ANXA8: variants seen among roughly 807,000 people sequenced by gnomAD.
ANXA8 encodes annexin A8.
In ANXA8, 9 loss-of-function variants were observed where a neutral mutation model predicts 26.8. The observed-to-expected ratio is 0.34, with a 90% CI of 0.20 to 0.59. The LOEUF (loss-of-function observed/expected upper bound fraction) is 0.59, where lower values mean the gene tolerates loss of function less well. ANXA8 is among the 20% of genes least tolerant of loss of function. The probability of loss-of-function intolerance (pLI) is 0.84; values close to 1 mark genes in which losing one functional copy is unlikely to be tolerated. For synonymous variants in ANXA8, 39 were observed against 94.8 expected (o/e 0.41, Z 3.42); for missense variants, 83 against 238.5 (o/e 0.35, Z 4.29).
the ANXA8 span, among the ~76,000 whole-genome samples, chr10:47,743,283 C>CACATATATATATACATCT: frequency 1.2e-5 from 1 of 81,988 alleles, no homozygotes. Context: ...TATATACACA[C>CACATATATATATACATCT]ATATATATAT....
chr10:47,720,635 G>A, the ANXA8 span, among the ~76,000 whole-genome samples: 3 of 141,656 alleles, frequency 2.1e-5, no homozygotes, highest in African/African-American at 7.9e-5. Context: ...ATAGCACTCA[G>A]TGTTTTATGC....
chr10:47,948,769 A>C, the ANXA8 span, among the ~76,000 whole-genome samples: 1 of 151,156 alleles, frequency 6.6e-6, no homozygotes, highest in Admixed American at 6.6e-5. Flanking sequence ...TGCTCAATAG[A>C]TCAAAAGCAA....
the ANXA8 span, among the ~76,000 whole-genome samples, chr10:47,744,029 G>T: frequency 6.8e-6 from 1 of 147,882 alleles, no homozygotes; most frequent in African/African-American, 2.5e-5. Flanking sequence ...AGACGTGCGG[G>T]GGGTAGGGAG....
chr10:47,949,489 T>G, the ANXA8 span, among the ~76,000 whole-genome samples: 40 of 150,162 alleles, frequency 2.7e-4, 1 homozygote, highest in South Asian at 2.7e-3. Flanking sequence ...ATGGTAAGTA[T>G]GTGGGTAAAT....
the ANXA8 span, among the ~76,000 whole-genome samples, chr10:47,610,396 A>T: frequency 7.0e-6 from 1 of 143,800 alleles, no homozygotes; most frequent in East Asian, 1.9e-4. Flanking sequence ...GCTGGACTAT[A>T]TAAAATAAAC....
At chr10:47,533,218 C>CACACATAT in the ANXA8 span, among the ~76,000 whole-genome samples, 1 of 112,248 alleles carries the variant, frequency 8.9e-6, no homozygotes, top group Non-Finnish European at 2.0e-5. Context: ...CACACACACA[C>CACACATAT]ACACACCCCC....
upstream of ANXA8, among the ~76,000 whole-genome samples, chr10:47,486,529 A>C (rs1840051430): frequency 7.3e-6 from 1 of 137,178 alleles, no homozygotes; most frequent in African/African-American, 2.7e-5. Flanking sequence ...CTATCCAACC[A>C]GCAGCAGGGG....
chr10:47,605,913 T>C, the ANXA8 span, among the ~76,000 whole-genome samples: 1 of 126,808 alleles, frequency 7.9e-6, no homozygotes, highest in Non-Finnish European at 1.6e-5. Flanking sequence ...TGAACAAAAA[T>C]GACTTACTAG....
At chr10:47,481,248 G>A (rs1839776775) in intron 1 of ANXA8, among the ~76,000 whole-genome samples, 1 of 104,750 alleles carries the variant, frequency 9.5e-6, no homozygotes, top group African/African-American at 3.7e-5. Context: ...CCTGGGCCAG[G>A]TGCTTTAGAA....
chr10:47,681,344 G>A, the ANXA8 span, among the ~76,000 whole-genome samples: 10,012 of 150,276 alleles, frequency 0.067, 594 homozygotes, highest in South Asian at 0.21. Context: ...ATGTCAAGGC[G>A]TAAGTAGCAA....
chr10:47,953,171 G>A, the ANXA8 span, among the ~76,000 whole-genome samples: 5 of 149,236 alleles, frequency 3.4e-5, no homozygotes, highest in Admixed American at 1.3e-4. Flanking sequence ...GAAAGGGCAA[G>A]TTGCAGACCA....
the ANXA8 span, among the ~76,000 whole-genome samples, chr10:47,685,150 C>T: frequency 4.0e-5 from 6 of 150,162 alleles, no homozygotes; most frequent in South Asian, 1.3e-3. Context: ...AGTTCAAGAC[C>T]AGCCTGACTT....
the ANXA8 span, among the ~76,000 whole-genome samples, chr10:47,982,086 G>A: frequency 5.3e-5 from 8 of 151,180 alleles, no homozygotes; most frequent in Admixed American, 6.6e-5. Context: ...CCCAGAGTTT[G>A]AGATTAACCT....
chr10:47,666,486 G>A, the ANXA8 span, among the ~76,000 whole-genome samples: 1 of 151,774 alleles, frequency 6.6e-6, no homozygotes, highest in Non-Finnish European at 1.5e-5. Flanking sequence ...CCAGGGAGCA[G>A]AAGCACAGAA....
At chr10:47,895,274 G>A in the ANXA8 span, among the ~76,000 whole-genome samples, 45 of 152,316 alleles carry the variant, frequency 3.0e-4, no homozygotes, top group African/African-American at 1.0e-3. Flanking sequence ...GTGCGACCGG[G>A]GAGAACCAGG....
At chr10:47,659,799 G>A in the ANXA8 span, among the ~76,000 whole-genome samples, 6 of 148,874 alleles carry the variant, frequency 4.0e-5, no homozygotes, top group Non-Finnish European at 7.4e-5. Flanking sequence ...CTCTGTGGCT[G>A]AGGCTGGGGT....
upstream of ANXA8, chr10:47,487,124 A>T (rs1840062657): frequency 5.0e-6 from 7 of 1,394,774 alleles, no homozygotes; most frequent in Non-Finnish European, 6.7e-6. Context: ...TAAATACTTA[A>T]GTGTACACCA....
the ANXA8 span, among the ~76,000 whole-genome samples, chr10:47,644,560 A>G: frequency 6.6e-6 from 1 of 152,086 alleles, no homozygotes; most frequent in African/African-American, 2.4e-5. Flanking sequence ...TAGCTAGCTA[A>G]ACACTGCTTG....
the ANXA8 span, among the ~76,000 whole-genome samples, chr10:47,665,141 A>C: frequency 6.7e-6 from 1 of 149,336 alleles, no homozygotes; most frequent in East Asian, 1.9e-4. Flanking sequence ...CTTCTGTACT[A>C]ACTAGAAGTA....
Sources: gnomAD v4.1 joint callset for allele counts (sites outside exome capture counted in the v4.1 genomes callset) on GRCh38, gnomAD v4.1.1 for gene constraint, MANE v1.5 for transcripts, NCBI Gene and HGNC (gene_info 2026-07-23, HGNC 2026-07-21) for gene names.